Variants in PAWR observed in about 807,000 individuals in gnomAD.
The protein encoded by PAWR is PRKC apoptosis WT1 regulator protein.
In PAWR, 23 loss-of-function variants were observed where a neutral mutation model predicts 32.0. That is an observed-to-expected ratio of 0.72 (90% confidence interval 0.52 to 1.02). The LOEUF (loss-of-function observed/expected upper bound fraction) is 1.02. Among genes scored for constraint, PAWR ranks in the 50% least tolerant of loss-of-function variants. The probability of loss-of-function intolerance (pLI) is 0.00; values close to 1 mark genes in which losing one functional copy is unlikely to be tolerated. For synonymous variants in PAWR, 226 were observed against 187.1 expected, an observed-to-expected ratio of 1.21 and a Z score of -1.70; for missense variants, 457 against 437.7, an observed-to-expected ratio of 1.04 and a Z score of -0.39.
At chr12:79,599,033 C>T (rs560280952) in intron 4 of PAWR, among the ~76,000 whole-genome samples, 9 of 152,314 alleles carry the variant, frequency 5.9e-5, no homozygotes, top group Admixed American at 6.5e-5. Context: ...CTGCGCCCGG[C>T]CAACTGACAT....
chr12:79,683,727 T>C (rs1004969676), intron 2 of PAWR, among the ~76,000 whole-genome samples: 1 of 152,126 alleles, frequency 6.6e-6, no homozygotes, highest in Non-Finnish European at 1.5e-5. Flanking sequence ...CTCAGTTAAA[T>C]TGTTAGGTTT....
intron 4 of PAWR, among the ~76,000 whole-genome samples, chr12:79,606,327 A>T (rs1232195843): frequency 6.6e-6 from 1 of 152,198 alleles, no homozygotes; most frequent in East Asian, 1.9e-4. Flanking sequence ...ACACCTTAAA[A>T]GAGTGAATTT....
intron 2 of PAWR, among the ~76,000 whole-genome samples, chr12:79,633,526 T>C (rs140221744): frequency 6.6e-6 from 1 of 152,284 alleles, no homozygotes; most frequent in East Asian, 1.9e-4. Flanking sequence ...TTTTTTGTTG[T>C]TGTTTTTCTT....
chr12:79,617,744 C>T (rs1454918401), intron 3 of PAWR, among the ~76,000 whole-genome samples: 1 of 152,082 alleles, frequency 6.6e-6, no homozygotes, highest in African/African-American at 2.4e-5. Context: ...TTTTGGATGT[C>T]CCCTCCAAAT....
In PAWR at chr12:79,689,787, T is replaced by G; in HGVS notation, c.458A>C (p.Lys153Thr). ...GCGCCGCTTCTCCCGCAGCTTCCTC[T>G]TCTCGATCTGCCCCTTGCCTTTCCT... ...SARKGKGQIE[K>T]RKLREKRRST... is the part of the protein sequence containing the mutation. The change falls in exon 2 of 7, where the codon AAG becomes ACG. Residue 153 changes from lysine to threonine, a missense_variant. Transcript: ENST00000328827. The G allele has an allele frequency of 6.3e-7, 1 of 1,594,076 alleles. No individual in the cohort carries two copies. Among genetic ancestry groups the G allele is most frequent in the Non-Finnish European group, 8.5e-7 (1 of 1,171,306 alleles).
At chr12:79,661,205 C>T (rs1036185287) in intron 2 of PAWR, among the ~76,000 whole-genome samples, 3 of 147,034 alleles carry the variant, frequency 2.0e-5, no homozygotes, top group Non-Finnish European at 4.4e-5. Context: ...GCTACGATAG[C>T]GCCATTGCAC....
rs1876302142 is a variant in PAWR at position 79,641,096 on chromosome 12, G to T, written c.517-19889C>A. ...GTTCATTTTAACTTTCATTAGATAA[G>T]ATTAAATTCTATTTTTACCTTGAAT... On this transcript the variant is annotated intron_variant, in intron 2 of 6. Coordinates refer to ENST00000328827, the MANE Select transcript of PAWR (RefSeq NM_002583.4). 2.6e-5 allele frequency among the ~76,000 whole-genome samples: 4 copies of T among 152,084 alleles called. No individual in the cohort carries two copies. The South Asian group carries it at 8.3e-4, about 32-fold the overall frequency.
At chr12:79,656,944 C>CA (rs1371239884) in intron 2 of PAWR, among the ~76,000 whole-genome samples, 2 of 152,040 alleles carry the variant, frequency 1.3e-5, no homozygotes, top group Non-Finnish European at 2.9e-5. Flanking sequence ...CCAGGAATGC[C>CA]AAGGTAGCTA....
At chr12:79,664,681 A>G (rs1255557714) in intron 2 of PAWR, among the ~76,000 whole-genome samples, 1 of 146,036 alleles carries the variant, frequency 6.8e-6, no homozygotes, top group African/African-American at 2.7e-5. Flanking sequence ...AGAGAGAGAG[A>G]GTGGTCTTGC....
intron 2 of PAWR, among the ~76,000 whole-genome samples, chr12:79,676,400 C>T (rs1256381084): frequency 6.6e-6 from 1 of 152,042 alleles, no homozygotes; most frequent in African/African-American, 2.4e-5. Context: ...AATAAGCTCC[C>T]CTATGTACTC....
At chr12:79,671,352 A>C (rs1459058249) in intron 2 of PAWR, among the ~76,000 whole-genome samples, 2 of 152,232 alleles carry the variant, frequency 1.3e-5, no homozygotes, top group Non-Finnish European at 2.9e-5. Context: ...GGCTAGATTT[A>C]ATCAAAACAG....
intron 4 of PAWR, among the ~76,000 whole-genome samples, chr12:79,607,247 A>T (rs756328780): frequency 3.3e-5 from 5 of 152,122 alleles, no homozygotes; most frequent in Non-Finnish European, 7.3e-5. Flanking sequence ...AACACAGTGA[A>T]ACCCCATCTC....
chr12:79,661,251 A>G (rs1046162919), intron 2 of PAWR, among the ~76,000 whole-genome samples: 11 of 149,218 alleles, frequency 7.4e-5, no homozygotes, highest in Admixed American at 2.0e-4. Flanking sequence ...TCTGTCTCAA[A>G]AAAAAAAAAA....
chr12:79,604,890 T>A (rs1874107749), intron 4 of PAWR, among the ~76,000 whole-genome samples: 1 of 152,202 alleles, frequency 6.6e-6, no homozygotes, highest in South Asian at 2.1e-4. Context: ...CCAGAGATAA[T>A]GTCCATTAAC....
intron 2 of PAWR, among the ~76,000 whole-genome samples, chr12:79,659,677 G>A (rs1877258600): frequency 6.6e-6 from 1 of 152,022 alleles, no homozygotes; most frequent in Non-Finnish European, 1.5e-5. Context: ...CAACTAAAGA[G>A]GAAAATAAAC....
intron 2 of PAWR, among the ~76,000 whole-genome samples, chr12:79,637,635 T>C (rs977666442): frequency 4.6e-5 from 7 of 151,918 alleles, no homozygotes; most frequent in African/African-American, 1.7e-4. Context: ...TGACGTCTTC[T>C]AACTGGATAG....
intron 2 of PAWR, among the ~76,000 whole-genome samples, chr12:79,687,711 A>T (rs117320374): frequency 0.038 from 5,727 of 152,264 alleles, 191 homozygotes; most frequent in Non-Finnish European, 0.057. Context: ...GAAATGGCAC[A>T]ATTCTAAAAA....
intron 3 of PAWR, among the ~76,000 whole-genome samples, chr12:79,615,011 T>A (rs1874659998): frequency 6.6e-6 from 1 of 152,136 alleles, no homozygotes; most frequent in Admixed American, 6.5e-5. Flanking sequence ...CATAAGTGAG[T>A]AAAATTAGCA....
intron 4 of PAWR, 58 bp from the exon 5 acceptor site, chr12:79,596,716 G>T: frequency 2.6e-6 from 3 of 1,155,936 alleles, no homozygotes; most frequent in Non-Finnish European, 3.6e-6. Flanking sequence ...AAAATGCCAA[G>T]AATATTTTCT....
Sources: allele counts gnomAD v4.1 joint callset (sites outside exome capture counted in the v4.1 genomes callset), GRCh38; gene constraint gnomAD v4.1.1; transcripts MANE v1.5; gene names NCBI Gene and HGNC (gene_info 2026-07-23, HGNC 2026-07-21).